ZNF112: variants seen among roughly 807,000 people sequenced by gnomAD.
ZNF112 encodes the protein zinc finger protein 112 (Y14).
ZNF112 carries 37 observed loss-of-function variants against 77.7 expected under a neutral mutation model. The observed-to-expected ratio is 0.48, with a 90% confidence interval of 0.37 to 0.63. ZNF112 has a LOEUF of 0.63. Ranked by LOEUF, ZNF112 falls within the 20% of genes least tolerant of loss-of-function variation. The pLI is 0.00. For synonymous variants in ZNF112, 333 were observed against 363.6 expected (o/e 0.92, Z 0.96); for missense variants, 950 against 1,077.4 (o/e 0.88, Z 1.66).
intron 2 of ZNF112, among the ~76,000 whole-genome samples, chr19:44,337,841 ACACACACACACACACAC>A (rs1970413211): frequency 7.4e-6 from 1 of 135,406 alleles, no homozygotes; most frequent in Non-Finnish European, 1.6e-5. Context: ...ACATACACAT[ACACACACACACACACAC>A]ACACACACAC....
chr19:44,350,208 T>C (rs1207162371), intron 1 of ZNF112, among the ~76,000 whole-genome samples: 8 of 152,080 alleles, frequency 5.3e-5, no homozygotes, highest in Non-Finnish European at 1.0e-4. Flanking sequence ...CATCAGCAGG[T>C]ACTTTGCAGA....
intron 1 of ZNF112, among the ~76,000 whole-genome samples, chr19:44,354,782 A>G (rs1970756705): frequency 6.6e-6 from 1 of 152,206 alleles, no homozygotes; most frequent in Non-Finnish European, 1.5e-5. Flanking sequence ...AAGAGAAATA[A>G]GAAACAAAGA....
At chr19:44,344,744 G>C (rs1012247244) in intron 1 of ZNF112, among the ~76,000 whole-genome samples, 5 of 152,162 alleles carry the variant, frequency 3.3e-5, no homozygotes, top group Non-Finnish European at 5.9e-5. Flanking sequence ...GAAAATGAGG[G>C]CTGATCTTAA....
chr19:44,361,605 T>A (rs1371225003), upstream of ZNF112, among the ~76,000 whole-genome samples: 1 of 152,086 alleles, frequency 6.6e-6, no homozygotes, highest in Non-Finnish European at 1.5e-5. Context: ...AAACTAAAGG[T>A]CAGTAAAGTG....
intron 1 of ZNF112, among the ~76,000 whole-genome samples, chr19:44,347,288 T>C (rs1970608042): frequency 6.6e-6 from 1 of 152,090 alleles, no homozygotes; most frequent in Non-Finnish European, 1.5e-5. Flanking sequence ...AATGGAGTTA[T>C]TTTAGACCAC....
intron 1 of ZNF112, among the ~76,000 whole-genome samples, chr19:44,361,855 T>C (rs769207067): frequency 1.3e-5 from 2 of 151,406 alleles, no homozygotes; most frequent in Non-Finnish European, 3.0e-5. Flanking sequence ...ATGCAAACAA[T>C]AGGAGAAACT....
intron 1 of ZNF112, among the ~76,000 whole-genome samples, chr19:44,340,792 T>C (rs917033535): frequency 6.6e-6 from 1 of 152,240 alleles, no homozygotes; most frequent in Non-Finnish European, 1.5e-5. Context: ...GCACCCTAGG[T>C]TACCAATATT....
intron 2 of ZNF112, among the ~76,000 whole-genome samples, chr19:44,338,451 C>G (rs1183630608): frequency 6.6e-6 from 1 of 152,110 alleles, no homozygotes; most frequent in Non-Finnish European, 1.5e-5. Flanking sequence ...TGCATAACAT[C>G]GTGACTGGGT....
Position 44,327,503 on chromosome 19 carries a change from C to T in ZNF112, c.2654G>A (p.Ser885Asn), listed in dbSNP as rs763281425. 5.0e-6 allele frequency: 8 copies of T among 1,613,904 alleles called. No homozygotes were observed. In the Admixed American group the frequency reaches 1.0e-4, roughly 20 times the overall value. Residue 885 changes from serine (S) to asparagine (N), a missense_variant, in exon 4 of 4, where the codon AGC (serine) becomes AAC (asparagine). Around this residue, in one of 3 missense-constraint regions of ZNF112, gnomAD observed 373 missense variants for 482.8 expected, o/e 0.77. Coordinates refer to ENST00000354340, the MANE Select transcript of ZNF112 (RefSeq NM_013380.4). Reference protein sequence around the residue: ...RVHSSDKFYKSEDYGKDYPSS... With the variant: ...RVHSSDKFYKNEDYGKDYPSS... ...AGGGTAGTCCTTACCATAGTCTTCG[C>T]TTTTATAGAATTTATCACTACTATG... is the stretch of plus-strand genomic sequence containing the variant.
Position 44,349,442 on chromosome 19 carries a change from G to A in ZNF112, c.-4+7184C>T, listed in dbSNP as rs141096984. Among the ~76,000 whole-genome samples, 1,135 of 152,096 alleles carry A rather than the reference G, an allele frequency of 7.5e-3. 10 individuals carry two copies. Among genetic ancestry groups the A allele is most frequent in the African/African-American group, 0.022 (905 of 41,504 alleles). ...GGTGAAATATTTTGTGAATGAATTA[G>A]ATGGCAAAGCTTATCATGCTTATTG... On this transcript the variant is annotated intron_variant, in intron 1 of 3. Transcript: ENST00000354340.
At position 44,340,564 on chromosome 19, in the gene ZNF112, C is replaced by T. The variant is rs1970471645; in HGVS notation, c.-3-22G>A. On this transcript the variant is annotated intron_variant, in intron 1 of 3. Coordinates refer to ENST00000354340, the MANE Select transcript of ZNF112 (RefSeq NM_013380.4). ...TCTCCTACAATGCCAAACACATGCA[C>T]ACTAAGTTTACAGAAGAAGGGCAGT... The T allele has an allele frequency of 1.9e-6, 3 of 1,613,506 alleles. No individual in the cohort carries two copies. In the Admixed American group the frequency reaches 5.0e-5, roughly 27 times the overall value.
intron 1 of ZNF112, among the ~76,000 whole-genome samples, chr19:44,342,851 A>G (rs1033365210): frequency 2.0e-5 from 3 of 151,728 alleles, no homozygotes; most frequent in African/African-American, 7.3e-5. Flanking sequence ...AAAGGGGGAG[A>G]GGGATAACAA....
At chr19:44,345,520 A>G (rs1392435425) in intron 1 of ZNF112, among the ~76,000 whole-genome samples, 1 of 152,208 alleles carries the variant, frequency 6.6e-6, no homozygotes, top group Non-Finnish European at 1.5e-5. Context: ...GGGGGTCACT[A>G]ATCAGCCAAG....
Position 44,327,475 on chromosome 19 carries a change from T to G in ZNF112, c.2682A>C (p.Ser894=), listed in dbSNP as rs1215656422. 6.2e-7 allele frequency: 1 copy of G among 1,609,584 alleles called. No homozygotes were observed. Among genetic ancestry groups the G allele is most frequent in the Admixed American group, 1.7e-5 (1 of 59,510 alleles). Residue 894 remains serine, a synonymous_variant, in exon 4 of 4, where the codon TCA becomes TCC. Transcript: ENST00000354340. ...CTTCATTTCTGTGTAGATTCTCTGATGAAGGGTAGTCCTTACCATAGTCTT... is the reference window on the plus strand; with the variant it reads ...CTTCATTTCTGTGTAGATTCTCTGAGGAAGGGTAGTCCTTACCATAGTCTT... ...KSEDYGKDYP[S]SENLHRNEDS... is the part of the protein sequence containing the mutation.
At chr19:44,336,835 T>G (rs1970377574) in intron 2 of ZNF112, 117 bp from the exon 3 acceptor site, 5 of 735,252 alleles carry the variant, frequency 6.8e-6, no homozygotes, top group Non-Finnish European at 9.3e-6. Flanking sequence ...CCTTCCACCC[T>G]GTTACCTTCC....
chr19:44,366,664 T>A (rs1180309966), intron 1 of ZNF112, among the ~76,000 whole-genome samples: 3 of 151,610 alleles, frequency 2.0e-5, no homozygotes, highest in Admixed American at 6.6e-5. Flanking sequence ...CCCACTTTTT[T>A]AAAAAGGGAA....
At chr19:44,334,434 G>T (rs781072217) in intron 3 of ZNF112, among the ~76,000 whole-genome samples, 4 of 152,198 alleles carry the variant, frequency 2.6e-5, no homozygotes, top group Non-Finnish European at 5.9e-5. Flanking sequence ...CAATTTTCTG[G>T]GGAGAAATTC....
At chr19:44,337,449 ACACT>A (rs906310991) in intron 2 of ZNF112, among the ~76,000 whole-genome samples, 13 of 124,702 alleles carry the variant, frequency 1.0e-4, no homozygotes, top group Admixed American at 9.8e-4. Flanking sequence ...CTGTACCCAC[ACACT>A]GTCTATTTAC....
At chr19:44,364,657 A>G (rs1407809954) in intron 1 of ZNF112, among the ~76,000 whole-genome samples, 3 of 152,234 alleles carry the variant, frequency 2.0e-5, no homozygotes, top group African/African-American at 7.2e-5. Flanking sequence ...AATTAGCAAC[A>G]CAACAATAAA....
Sources: gnomAD v4.1 joint callset for allele counts (sites outside exome capture counted in the v4.1 genomes callset) on GRCh38, gnomAD v4.1.1 for gene constraint, gnomAD v4.1.1 regional missense constraint, MANE v1.5 for transcripts, NCBI Gene and HGNC (gene_info 2026-07-23, HGNC 2026-07-21) for gene names.